The following SLC9D1 variants were observed in gnomAD, a reference collection of about 807,000 sequenced individuals.
SLC9D1 encodes solute carrier family 9 member D1.
At chr13:113,537,169 A>T in the SLC9D1 span, among the ~76,000 whole-genome samples, 1 of 152,190 alleles carries the variant, frequency 6.6e-6, no homozygotes, top group African/African-American at 2.4e-5. Context: ...ATGCCGGCAG[A>T]TTTTTTTGTC....
chr13:113,515,746 C>A, the SLC9D1 span, among the ~76,000 whole-genome samples: 4 of 151,804 alleles, frequency 2.6e-5, no homozygotes, highest in Admixed American at 6.6e-5. Flanking sequence ...AAAAAATTAG[C>A]CGGGCATGGT....
At chr13:113,520,582 C>A in the SLC9D1 span, 1 of 1,510,690 alleles carries the variant, frequency 6.6e-7, no homozygotes, top group Non-Finnish European at 9.2e-7. Context: ...TTTGAGTTGT[C>A]GTAGACCTGT....
the SLC9D1 span, among the ~76,000 whole-genome samples, chr13:113,538,199 G>A: frequency 2.0e-5 from 3 of 151,450 alleles, no homozygotes; most frequent in Non-Finnish European, 4.4e-5. Flanking sequence ...GTGTACGTGT[G>A]TGTGGCATGT....
chr13:113,511,849 C>T, the SLC9D1 span: 1 of 152,312 alleles, frequency 6.6e-6, no homozygotes, highest in Non-Finnish European at 1.5e-5. Flanking sequence ...GTGAACTGCC[C>T]TTATGGACAG....
chr13:113,510,964 G>A, the SLC9D1 span, among the ~76,000 whole-genome samples: 1 of 151,950 alleles, frequency 6.6e-6, no homozygotes, highest in South Asian at 2.1e-4. Flanking sequence ...GCAGGACCGT[G>A]TCCCTCTGCG....
the SLC9D1 span, among the ~76,000 whole-genome samples, chr13:113,533,257 C>T: frequency 1.6e-5 from 1 of 62,732 alleles, no homozygotes; most frequent in East Asian, 3.6e-4. Flanking sequence ...TCATTCCATC[C>T]CTTCATTCCA....
chr13:113,510,394 C>T, the SLC9D1 span: 1 of 1,613,494 alleles, frequency 6.2e-7, no homozygotes, highest in South Asian at 1.1e-5. Flanking sequence ...GTCCAGGTTC[C>T]TCATGGGCAG....
At chr13:113,508,166 G>A in the SLC9D1 span, among the ~76,000 whole-genome samples, 7 of 152,222 alleles carry the variant, frequency 4.6e-5, no homozygotes, top group African/African-American at 1.2e-4. Flanking sequence ...AGATAATAAC[G>A]TCAGACAAGG....
chr13:113,496,416 G>A, the SLC9D1 span, among the ~76,000 whole-genome samples: 1 of 152,150 alleles, frequency 6.6e-6, no homozygotes, highest in Non-Finnish European at 1.5e-5. Context: ...GTTCCTTTTA[G>A]TGTGAAGTTT....
chr13:113,502,970 G>T, the SLC9D1 span, among the ~76,000 whole-genome samples: 17 of 152,218 alleles, frequency 1.1e-4, no homozygotes, highest in African/African-American at 4.1e-4. Flanking sequence ...CCACGTGTGG[G>T]GGCTCCCAGG....
the SLC9D1 span, among the ~76,000 whole-genome samples, chr13:113,521,558 A>T: frequency 4.6e-5 from 7 of 151,596 alleles, no homozygotes; most frequent in Non-Finnish European, 8.8e-5. Flanking sequence ...TGTGGTGTGT[A>T]TGCGTGTAGG....
At chr13:113,517,546 C>T in the SLC9D1 span, among the ~76,000 whole-genome samples, 6 of 152,266 alleles carry the variant, frequency 3.9e-5, no homozygotes, top group South Asian at 1.2e-3. Context: ...AATTCCTGAA[C>T]GTCCACCAAG....
At chr13:113,523,912 C>A in the SLC9D1 span, among the ~76,000 whole-genome samples, 2 of 152,304 alleles carry the variant, frequency 1.3e-5, no homozygotes, top group South Asian at 2.1e-4. Context: ...TTCCATACAT[C>A]TGGAGATTTT....
At chr13:113,510,313 C>T in the SLC9D1 span, 1 of 1,614,218 alleles carries the variant, frequency 6.2e-7, no homozygotes, top group East Asian at 2.2e-5. Context: ...GTGGGGGCAT[C>T]TCTTGCGGAT....
chr13:113,504,968 A>G, the SLC9D1 span: 5 of 152,172 alleles, frequency 3.3e-5, no homozygotes, highest in African/African-American at 9.6e-5. Flanking sequence ...CCCTGCCAAC[A>G]TCTATTCTTT....
chr13:113,510,288 T>C, the SLC9D1 span: 4 of 1,614,212 alleles, frequency 2.5e-6, no homozygotes, highest in Non-Finnish European at 3.4e-6. Flanking sequence ...TGTTAATGAT[T>C]GCATTTGGCT....
the SLC9D1 span, among the ~76,000 whole-genome samples, chr13:113,517,358 G>A: frequency 3.9e-5 from 6 of 151,976 alleles, no homozygotes; most frequent in African/African-American, 7.3e-5. Context: ...TCAGCCTCCC[G>A]AGTAGCTGGG....
the SLC9D1 span, chr13:113,520,646 G>A: frequency 6.2e-7 from 1 of 1,613,852 alleles, no homozygotes; most frequent in Non-Finnish European, 8.5e-7. Flanking sequence ...GTGCTCCTCG[G>A]CATGCTGGTG....
At chr13:113,541,560 G>A in the SLC9D1 span, among the ~76,000 whole-genome samples, 91 of 93,806 alleles carry the variant, frequency 9.7e-4, no homozygotes, top group Admixed American at 1.6e-3. Context: ...AGTTGTGTGG[G>A]TGCCATGCAC....
Sources: gnomAD v4.1 joint callset for allele counts (sites outside exome capture counted in the v4.1 genomes callset) on GRCh38, gnomAD v4.1.1 for gene constraint, MANE v1.5 for transcripts, NCBI Gene and HGNC (gene_info 2026-07-23, HGNC 2026-07-21) for gene names.